TAC3: variants seen among roughly 807,000 people sequenced by gnomAD.
TAC3 encodes the protein tachykinin-3.
A neutral mutation model predicts 16.5 loss-of-function variants in TAC3; 9 were observed. That is an observed-to-expected ratio of 0.55 (90% CI 0.33 to 0.95). TAC3 has a LOEUF of 0.95. TAC3 is among the 40% of genes least tolerant of loss of function. The probability of loss-of-function intolerance (pLI) is 0.03; values close to 1 mark genes in which losing one functional copy is unlikely to be tolerated. For synonymous variants in TAC3, 52 were observed against 56.7 expected, an observed-to-expected ratio of 0.92 and a Z score of 0.37; for missense variants, 129 against 149.1, an observed-to-expected ratio of 0.87 and a Z score of 0.70.
chr12:57,011,370 C>T (rs1956295595), intron 6 of TAC3, among the ~76,000 whole-genome samples: 1 of 152,214 alleles, frequency 6.6e-6, no homozygotes, highest in Admixed American at 6.5e-5. Flanking sequence ...CTCCTTTTCA[C>T]TCCCTCCACC....
chr12:57,012,323 A>G (rs1436641976), intron 6 of TAC3, 55 bp downstream of exon 6: 6 of 1,497,080 alleles, frequency 4.0e-6, no homozygotes, highest in Non-Finnish European at 5.5e-6. Context: ...ACAGCTGGCA[A>G]CCCCCACAGC....
At chr12:57,012,346 C>A in intron 6 of TAC3, 32 bp downstream of exon 6, 5 of 1,544,290 alleles carry the variant, frequency 3.2e-6, no homozygotes, top group South Asian at 1.1e-5. Context: ...CCTCCCCAGT[C>A]CCCTCTCCCC....
intron 6 of TAC3, 82 bp from the exon 7 acceptor site, chr12:57,010,370 T>G (rs1419610113): frequency 2.9e-6 from 1 of 347,240 alleles, no homozygotes; most frequent in African/African-American, 2.2e-5. Flanking sequence ...ACTGAAAACC[T>G]GCTGTGGCAG....
chr12:57,014,227 A>AT lies in TAC3; in HGVS notation c.115-557dup, dbSNP rs200162962. ...GCACGGGCTCTTGATTGTCCCTGTG[A>AT]TTTTTTTTTTTTTTTTAGCAACTTG... On this transcript the variant is annotated intron_variant, in intron 2 of 6. Coordinates refer to ENST00000458521, the MANE Select transcript of TAC3 (RefSeq NM_013251.4). Among the ~76,000 whole-genome samples the AT allele has an allele frequency of 5.5e-3, 775 of 140,596 alleles. 3 individuals are homozygous for AT. Among genetic ancestry groups the AT allele is most frequent in the South Asian group, 0.033 (143 of 4,372 alleles). 92.2% of individuals were successfully genotyped at this position (140,596 alleles called of 152,430 possible).
intron 2 of TAC3, among the ~76,000 whole-genome samples, chr12:57,014,952 C>T (rs1310277759): frequency 1.3e-5 from 2 of 152,150 alleles, no homozygotes; most frequent in African/African-American, 4.8e-5. Flanking sequence ...GCATTTGTAC[C>T]GATGTAATTG....
At chr12:57,014,448 A>T (rs1173561798) in intron 2 of TAC3, among the ~76,000 whole-genome samples, 2 of 151,968 alleles carry the variant, frequency 1.3e-5, no homozygotes, top group African/African-American at 2.4e-5. Flanking sequence ...CCCCACACAT[A>T]CCAACCCAGT....
Position 57,013,391 on chromosome 12 carries a change from G to A in TAC3, c.209-3C>T. 1 of 1,614,124 alleles carries A rather than the reference G, an allele frequency of 6.2e-7. No individual in the cohort carries two copies. Among genetic ancestry groups the A allele is most frequent in the Non-Finnish European group, 8.5e-7 (1 of 1,179,980 alleles). ...GGGAGATGTTGATTCCTTAGGATCT[G>A]TGAAACCAAGAACAGATGTCTAAAT... On this transcript the variant is annotated splice_region_variant and splice_polypyrimidine_tract_variant and intron_variant, in intron 3 of 6. Coordinates refer to ENST00000458521, the MANE Select transcript of TAC3 (RefSeq NM_013251.4).
In TAC3 at chr12:57,013,408, T is replaced by C. The variant is rs201273489; in HGVS notation, c.209-20A>G. Reference sequence around the variant, plus strand: ...TAGGATCTGTGAAACCAAGAACAGATGTCTAAATGGGGAGTGAAGTTGGAA... The same window carrying C: ...TAGGATCTGTGAAACCAAGAACAGACGTCTAAATGGGGAGTGAAGTTGGAA... On this transcript the variant is annotated intron_variant, in intron 3 of 6. Transcript: ENST00000458521. The C allele has an allele frequency of 3.1e-6, 5 of 1,614,038 alleles. No individual in the cohort carries two copies. The highest frequency in any genetic ancestry group is 2.2e-5 in the East Asian group (1 of 44,892).
intron 5 of TAC3, 183 bp from the exon 6 acceptor site, chr12:57,012,635 T>TG (rs1299396929): frequency 1.2e-6 from 2 of 1,613,042 alleles, no homozygotes; most frequent in African/African-American, 2.7e-5. Context: ...TAAAGGTCTC[T>TG]GCTCCTCTGT....
At chr12:57,011,769 A>G (rs1956300884) in intron 6 of TAC3, among the ~76,000 whole-genome samples, 1 of 152,222 alleles carries the variant, frequency 6.6e-6, no homozygotes, top group Non-Finnish European at 1.5e-5. Context: ...CCTTGGCCAA[A>G]AAGATACAGA....
chr12:57,014,598 G>A (rs1218181835), intron 2 of TAC3, among the ~76,000 whole-genome samples: 2 of 152,142 alleles, frequency 1.3e-5, no homozygotes, highest in African/African-American at 4.8e-5. Context: ...ATTGGCCAAG[G>A]TCTTGAAACA....
chr12:57,013,517 C>T, intron 3 of TAC3, 61 bp downstream of exon 3: 1 of 1,596,454 alleles, frequency 6.3e-7, no homozygotes, highest in South Asian at 1.1e-5. Context: ...AAGGATCTCC[C>T]AGGCCTCTTA....
At chr12:57,015,866 G>T (rs1956366520) in intron 1 of TAC3, 64 bp from the exon 2 acceptor site, 10 of 1,367,202 alleles carry the variant, frequency 7.3e-6, no homozygotes, top group South Asian at 5.9e-5. Flanking sequence ...CATGGGTGAA[G>T]ACACAAGAGA....
chr12:57,012,442 C>A lies in TAC3; in HGVS notation c.303G>T (p.Thr101=). The part of the protein sequence containing the change: ...GKRSVQPDSP[T]DVNQENVPSF... Reference sequence around the variant, plus strand: ...TGGGGACGTTCTCTTGATTCACATCCGTAGGAGAGTCTAGGGTAAAGCGAA... The same window carrying A: ...TGGGGACGTTCTCTTGATTCACATCAGTAGGAGAGTCTAGGGTAAAGCGAA... The change falls in exon 6 of 7, where the codon ACG becomes ACT. Residue 101 remains threonine, a synonymous_variant. Transcript: ENST00000458521. 1 of 1,614,036 alleles carries A rather than the reference C, an allele frequency of 6.2e-7. No homozygotes were observed. The highest frequency in any genetic ancestry group is 8.5e-7 in the Non-Finnish European group (1 of 1,179,994).
rs1471706978 is a variant in TAC3 at position 57,013,598 on chromosome 12, G to C, written c.188C>G (p.Ala63Gly). 1 of 1,613,384 alleles carries C rather than the reference G, an allele frequency of 6.2e-7. No homozygotes were observed. Among genetic ancestry groups the C allele is most frequent in the Non-Finnish European group, 8.5e-7 (1 of 1,179,934 alleles). Residue 63 changes from alanine to glycine, a missense_variant, in exon 3 of 7, where the codon GCC becomes GGC. Coordinates refer to ENST00000458521, the MANE Select transcript of TAC3 (RefSeq NM_013251.4). ...CCTACCTGTGCTAGCCTGGCTCAGG[G>C]CTTTGAGCAATCCCTCCAGAGATGA... ...SHSSLEGLLKALSQASTDPKE... is the reference protein window; with the variant it reads ...SHSSLEGLLKGLSQASTDPKE...
At chr12:57,012,139 C>T (rs1956306722) in intron 6 of TAC3, 3 of 550,768 alleles carry the variant, frequency 5.4e-6, no homozygotes, top group Non-Finnish European at 9.9e-6. Flanking sequence ...CTCACTCCTG[C>T]TCAATAGTCA....
chr12:57,013,246 G>T, intron 4 of TAC3, 113 bp downstream of exon 4: 1 of 1,324,398 alleles, frequency 7.6e-7, no homozygotes, highest in Non-Finnish European at 1.1e-6. Context: ...GTGGGAGCTG[G>T]CATATTGTTT....
intron 6 of TAC3, among the ~76,000 whole-genome samples, chr12:57,011,629 C>T (rs1382545475): frequency 6.6e-6 from 1 of 152,200 alleles, no homozygotes; most frequent in Non-Finnish European, 1.5e-5. Context: ...AAAATTGGCA[C>T]ACAGCACTGT....
chr12:57,010,825 GCCTGACA>G (rs933743902), intron 6 of TAC3: 1 of 152,164 alleles, frequency 6.6e-6, no homozygotes, highest in African/African-American at 2.4e-5. Flanking sequence ...GTCCTATTCT[GCCTGACA>G]CCTAACAGGT....
Sources: allele counts gnomAD v4.1 joint callset (sites outside exome capture counted in the v4.1 genomes callset), GRCh38; gene constraint gnomAD v4.1.1; transcripts MANE v1.5; gene names NCBI Gene and HGNC (gene_info 2026-07-23, HGNC 2026-07-21).